Variants in ARHGAP8 observed in about 807,000 individuals in gnomAD.
ARHGAP8 encodes the protein Rho GTPase activating protein 8.
In ARHGAP8, 62 loss-of-function variants were observed where a neutral mutation model predicts 46.1. That is an observed-to-expected ratio of 1.34 (90% CI 1.10 to 1.66). The LOEUF (loss-of-function observed/expected upper bound fraction) is 1.66, where lower values mean the gene tolerates loss of function less well. Among genes scored for constraint, ARHGAP8 ranks in the 40% most tolerant of loss-of-function variants. ARHGAP8 has a pLI of 0.00. For missense variants in ARHGAP8, 923 were observed against 568.4 expected (o/e 1.62, Z -6.34); for synonymous variants, 375 against 243.1 (o/e 1.54, Z -5.05).
chr22:44,824,667 C>G (rs562419014), intron 6 of ARHGAP8, among the ~76,000 whole-genome samples: 3 of 141,560 alleles, frequency 2.1e-5, no homozygotes, highest in East Asian at 2.1e-4. Context: ...GAGTCTTGCT[C>G]TATCGCCCAG....
chr22:44,796,545 A>T (rs57924118), intron 2 of ARHGAP8, among the ~76,000 whole-genome samples: 2,264 of 151,918 alleles, frequency 0.015, 64 homozygotes, highest in African/African-American at 0.052. Flanking sequence ...GTGGCCTGTG[A>T]TCCCATCAAT....
chr22:44,770,103 G>A (rs111439829), intron 1 of ARHGAP8, among the ~76,000 whole-genome samples: 1 of 152,036 alleles, frequency 6.6e-6, no homozygotes, highest in Non-Finnish European at 1.5e-5. Flanking sequence ...AATTAGCCAG[G>A]CATGGTGGTG....
chr22:44,858,533 C>CCT (rs2070310337), intron 10 of ARHGAP8, among the ~76,000 whole-genome samples: 5 of 89,784 alleles, frequency 5.6e-5, no homozygotes, highest in African/African-American at 2.3e-4. Context: ...CCATACCCGG[C>CCT]TTTTTTTTTT....
intron 1 of ARHGAP8, among the ~76,000 whole-genome samples, chr22:44,754,373 T>TGTGTGTGTGTGTGTGTGTGTGA (rs1555907814): frequency 6.1e-5 from 9 of 147,480 alleles, no homozygotes; most frequent in South Asian, 2.3e-4. Flanking sequence ...TGTGTGTGTG[T>TGTGTGTGTGTGTGTGTGTGTGA]GACGCAGTTT....
intron 2 of ARHGAP8, among the ~76,000 whole-genome samples, chr22:44,797,404 C>T (rs896698979): frequency 2.0e-5 from 3 of 152,034 alleles, no homozygotes; most frequent in African/African-American, 4.8e-5. Flanking sequence ...CCCTGGCCTC[C>T]GCGGTGGTAG....
At chr22:44,828,380 C>CT (rs1344250192) in intron 7 of ARHGAP8, among the ~76,000 whole-genome samples, 3 of 150,526 alleles carry the variant, frequency 2.0e-5, no homozygotes, top group African/African-American at 7.3e-5. Flanking sequence ...CCTGGGGGCA[C>CT]TGGTGAGAAC....
chr22:44,832,694 C>G (rs1460141770), intron 7 of ARHGAP8, among the ~76,000 whole-genome samples: 1 of 152,128 alleles, frequency 6.6e-6, no homozygotes, highest in African/African-American at 2.4e-5. Context: ...ATCATGTCAT[C>G]TGCAAATAGA....
At chr22:44,764,614 C>A (rs571745704) in intron 1 of ARHGAP8, among the ~76,000 whole-genome samples, 1 of 152,324 alleles carries the variant, frequency 6.6e-6, no homozygotes, top group South Asian at 2.1e-4. Flanking sequence ...TGCCTTTGGG[C>A]AAGCCCTCAC....
chr22:44,795,428 G>A (rs1928011352), intron 2 of ARHGAP8, among the ~76,000 whole-genome samples: 1 of 152,060 alleles, frequency 6.6e-6, no homozygotes, highest in South Asian at 2.1e-4. Context: ...AGTTTCTCAG[G>A]TGGGAATTCA....
intron 7 of ARHGAP8, among the ~76,000 whole-genome samples, chr22:44,830,430 G>A (rs376557195): frequency 1.8e-4 from 27 of 151,446 alleles, no homozygotes; most frequent in Admixed American, 1.1e-3. Context: ...CTTCCAGTTC[G>A]GATGATTCTC....
At chr22:44,838,141 T>A (rs1297640899) in intron 7 of ARHGAP8, among the ~76,000 whole-genome samples, 1 of 95,754 alleles carries the variant, frequency 1.0e-5, no homozygotes, top group African/African-American at 3.4e-5. Context: ...GCCTGGCTAA[T>A]TTTTTTTTTT....
chr22:44,816,354 C>T (rs1420411536), intron 5 of ARHGAP8, among the ~76,000 whole-genome samples: 1 of 152,190 alleles, frequency 6.6e-6, no homozygotes, highest in Non-Finnish European at 1.5e-5. Flanking sequence ...CCCCCAGGAG[C>T]ATGGACAGCT....
At chr22:44,783,698 G>A (rs927041253) in intron 1 of ARHGAP8, among the ~76,000 whole-genome samples, 5 of 152,204 alleles carry the variant, frequency 3.3e-5, no homozygotes, top group African/African-American at 7.2e-5. Context: ...GGCACAAATA[G>A]CACAGAGACC....
At chr22:44,834,635 A>G (rs1052076318) in intron 7 of ARHGAP8, among the ~76,000 whole-genome samples, 3 of 151,858 alleles carry the variant, frequency 2.0e-5, no homozygotes, top group African/African-American at 4.8e-5. Context: ...GGTTTTTAGT[A>G]TTTTTCAGTC....
chr22:44,847,215 G>A (rs2069979554), intron 8 of ARHGAP8, among the ~76,000 whole-genome samples: 1 of 152,180 alleles, frequency 6.6e-6, no homozygotes, highest in African/African-American at 2.4e-5. Flanking sequence ...AGCCAGCAGG[G>A]GCCTGGCCAG....
At chr22:44,793,566 G>A (rs1173040534) in intron 2 of ARHGAP8, among the ~76,000 whole-genome samples, 9 of 152,138 alleles carry the variant, frequency 5.9e-5, no homozygotes, top group South Asian at 4.1e-4. Context: ...ACTCCCTCCC[G>A]ATAGATTGCT....
At chr22:44,859,871 G>A (rs200547735) in intron 11 of ARHGAP8, 37 bp downstream of exon 11, 1 of 1,605,402 alleles carries the variant, frequency 6.2e-7, no homozygotes, top group East Asian at 2.2e-5. Context: ...GTGAAGCCCA[G>A]TGGCCTTCCC....
At chr22:44,802,300 T>TG in intron 3 of ARHGAP8, 136 bp downstream of exon 3, 5 of 1,150,480 alleles carry the variant, frequency 4.3e-6, no homozygotes, top group Non-Finnish European at 6.1e-6. Context: ...GCAGAGCTCT[T>TG]GCACTCATGA....
chr22:44,857,242 G>A lies in ARHGAP8; in HGVS notation c.878-2489G>A, dbSNP rs1375220003. 4.6e-5 allele frequency among the ~76,000 whole-genome samples: 7 copies of A among 152,056 alleles called. 1 individual carries two copies. Among genetic ancestry groups the A allele is most frequent in the Non-Finnish European group, 1.5e-5 (1 of 68,014 alleles). On this transcript the variant is annotated intron_variant, in intron 10 of 11. Coordinates refer to ENST00000356099, the MANE Select transcript of ARHGAP8 (RefSeq NM_181335.3). The stretch of plus-strand genomic sequence containing the variant: ...GGTGTGAGCCACCACGACCAGTCTT[G>A]AGTAAGAATTCTTTCTTTTGGCCGG...
Sources: allele counts gnomAD v4.1 joint callset (sites outside exome capture counted in the v4.1 genomes callset), GRCh38; gene constraint gnomAD v4.1.1; transcripts MANE v1.5; gene names NCBI Gene and HGNC (gene_info 2026-07-23, HGNC 2026-07-21).